Variants in EMID1 observed in about 807,000 individuals in gnomAD.
EMID1 encodes EMI domain-containing protein 1.
EMID1 carries 40 observed loss-of-function variants against 60.6 expected under a neutral mutation model. The observed-to-expected ratio is 0.66, with a 90% confidence interval of 0.51 to 0.86. The LOEUF (loss-of-function observed/expected upper bound fraction) is 0.86, where lower values mean the gene tolerates loss of function less well. Ranked by LOEUF, EMID1 falls within the 40% of genes least tolerant of loss-of-function variation. EMID1 has a pLI of 0.00. For missense variants in EMID1, 585 were observed against 597.1 expected, an observed-to-expected ratio of 0.98 and a Z score of 0.21; for synonymous variants, 242 against 231.0, an observed-to-expected ratio of 1.05 and a Z score of -0.43.
chr22:29,215,445 G>A lies in EMID1; in HGVS notation c.216-82G>A, dbSNP rs1468473972. The A allele has an allele frequency of 4.2e-6, 6 of 1,443,648 alleles. No individual in the cohort carries two copies. The South Asian group carries it at 7.2e-5, about 17-fold the overall frequency. 89.4% of individuals were successfully genotyped at this position (1,443,648 alleles called of 1,614,324 possible). A position where few individuals can be genotyped will look rare whatever the true frequency, so the allele number is the denominator to read the frequency against. On this transcript the variant is annotated intron_variant, in intron 2 of 14. Coordinates refer to ENST00000334018, the MANE Select transcript of EMID1 (RefSeq NM_133455.4). ...CAGCAGAGGATCCTGGAAGCTCTAGGTTTGTCCCCATGGGTGTCCAGGGCA... is the reference window on the plus strand; with the variant it reads ...CAGCAGAGGATCCTGGAAGCTCTAGATTTGTCCCCATGGGTGTCCAGGGCA...
chr22:29,251,381 CA>C (rs767480282), intron 13 of EMID1, among the ~76,000 whole-genome samples: 32 of 62,560 alleles, frequency 5.1e-4, no homozygotes, highest in Non-Finnish European at 9.6e-4. Context: ...TGCATCTGGC[CA>C]TTTTTTTTTT....
chr22:29,209,965 G>A (rs1276141796), intron 1 of EMID1, among the ~76,000 whole-genome samples: 1 of 152,162 alleles, frequency 6.6e-6, no homozygotes, highest in Non-Finnish European at 1.5e-5. Context: ...ACCCCTGGAA[G>A]GTGGATAGAG....
rs751489565 is a variant in EMID1, at chr22:29,214,953, C to T, written c.129C>T (p.Arg43=). ...RRNWCSYVVT[R]TISCHVQNGT... ...ACTGGTGCTCCTATGTGGTGACCCG[C>T]ACCATCTCATGCCATGTGCAGAATG... is the stretch of plus-strand genomic sequence containing the variant. Residue 43 remains arginine (R), a synonymous_variant, in exon 2 of 15, where the codon CGC becomes CGT. Transcript: ENST00000334018. The T allele has an allele frequency of 1.3e-6, 2 of 1,547,198 alleles. No homozygotes were observed. Among genetic ancestry groups the T allele is most frequent in the African/African-American group, 1.4e-5 (1 of 73,308 alleles).
intron 1 of EMID1, among the ~76,000 whole-genome samples, chr22:29,208,310 A>C (rs2146089132): frequency 6.6e-6 from 1 of 152,250 alleles, no homozygotes. Flanking sequence ...CTGGGAAGGC[A>C]TCCAGGGGGC....
chr22:29,230,881 G>A (rs1187815745), intron 5 of EMID1, 139 bp from the exon 6 acceptor site: 20 of 1,080,180 alleles, frequency 1.9e-5, no homozygotes, highest in African/African-American at 6.5e-5. Flanking sequence ...GCTTAAGCCC[G>A]GGTGGTTGAG....
chr22:29,243,965 T>C (rs1464994404), intron 13 of EMID1, among the ~76,000 whole-genome samples: 2 of 152,122 alleles, frequency 1.3e-5, no homozygotes, highest in Non-Finnish European at 1.5e-5. Flanking sequence ...ATGAGGTACA[T>C]AGGAGCCACG....
In EMID1 at chr22:29,216,527, A is replaced by G. The variant is rs552284678; in HGVS notation, c.319+897A>G. The G allele has an allele frequency of 2.4e-5, 24 of 985,468 alleles. No individual in the cohort carries two copies. The East Asian group carries it at 1.0e-3, about 42-fold the overall frequency. 61.0% of individuals were successfully genotyped at this position (985,468 alleles called of 1,614,324 possible). On this transcript the variant is annotated intron_variant, in intron 3 of 14. Coordinates refer to ENST00000334018, the MANE Select transcript of EMID1 (RefSeq NM_133455.4). ...TTCAGGGCCCCCACAGCAGCACATG[A>G]ACGTGAACATCAGTCTCAGGATATA... is the stretch of plus-strand genomic sequence containing the variant.
chr22:29,209,056 C>A (rs979027224), intron 1 of EMID1, among the ~76,000 whole-genome samples: 2 of 152,234 alleles, frequency 1.3e-5, no homozygotes, highest in African/African-American at 4.8e-5. Flanking sequence ...TCATACCACC[C>A]CTGCCCGCCC....
intron 11 of EMID1, 38 bp from the exon 12 acceptor site, chr22:29,234,267 C>A (rs1367800238): frequency 6.2e-7 from 1 of 1,613,108 alleles, no homozygotes; most frequent in African/African-American, 1.3e-5. Context: ...TCAGAGTCCT[C>A]AACAGCTGAC....
intron 14 of EMID1, among the ~76,000 whole-genome samples, chr22:29,256,661 C>G (rs528781745): frequency 6.6e-6 from 1 of 152,088 alleles, no homozygotes; most frequent in South Asian, 2.1e-4. Flanking sequence ...GGAATCGTAT[C>G]TACGGAGATA....
chr22:29,254,566 A>G (rs771250688), intron 14 of EMID1: 30 of 364,896 alleles, frequency 8.2e-5, no homozygotes, highest in Admixed American at 1.2e-4. Context: ...CCTGCAGGGA[A>G]CCAGAGATGA....
intron 6 of EMID1, 155 bp from the exon 7 acceptor site, chr22:29,231,438 G>C: frequency 1.1e-6 from 1 of 879,460 alleles, no homozygotes; most frequent in Admixed American, 2.0e-5. Context: ...ACTGACCTCT[G>C]CCTACCCCCC....
At chr22:29,258,722 G>A (rs761922942) in intron 14 of EMID1, 95 bp from the exon 15 acceptor site, 96 of 1,513,938 alleles carry the variant, frequency 6.3e-5, no homozygotes, top group Non-Finnish European at 7.2e-5. Context: ...CTGGCAGAGC[G>A]TGCCCGGTTC....
At chr22:29,247,564 G>GT (rs2041370280) in intron 13 of EMID1, among the ~76,000 whole-genome samples, 1 of 152,174 alleles carries the variant, frequency 6.6e-6, no homozygotes, top group Non-Finnish European at 1.5e-5. Flanking sequence ...CAACACAGTC[G>GT]TAAGTATTTG....
At chr22:29,253,415 T>C (rs1181897900) in intron 13 of EMID1, among the ~76,000 whole-genome samples, 2 of 152,198 alleles carry the variant, frequency 1.3e-5, no homozygotes, top group Non-Finnish European at 2.9e-5. Context: ...AAACCCTGTC[T>C]CTACTAAAAA....
At chr22:29,232,741 C>T (rs771561923) in intron 8 of EMID1, 9 of 250,758 alleles carry the variant, frequency 3.6e-5, no homozygotes, top group South Asian at 1.0e-4. Flanking sequence ...AACACTGGGA[C>T]GCAAAAGACC....
intron 1 of EMID1, among the ~76,000 whole-genome samples, chr22:29,207,443 A>G (rs1268077098): frequency 6.6e-6 from 1 of 152,216 alleles, no homozygotes; most frequent in Non-Finnish European, 1.5e-5. Flanking sequence ...TGCCCAGAGC[A>G]TGGAAGTGAG....
At chr22:29,217,360 G>A (rs924075382) in intron 3 of EMID1, among the ~76,000 whole-genome samples, 4 of 152,264 alleles carry the variant, frequency 2.6e-5, no homozygotes, top group Non-Finnish European at 4.4e-5. Context: ...CTCCCTCTGT[G>A]GGGCCTTCAG....
chr22:29,255,569 C>CT, intron 14 of EMID1: 1 of 422,990 alleles, frequency 2.4e-6, no homozygotes, highest in Non-Finnish European at 4.2e-6. Flanking sequence ...AGGCACCTTG[C>CT]TGGGACAGGC....
Sources: gnomAD v4.1 joint callset for allele counts (sites outside exome capture counted in the v4.1 genomes callset) on GRCh38, gnomAD v4.1.1 for gene constraint, MANE v1.5 for transcripts, NCBI Gene and HGNC (gene_info 2026-07-23, HGNC 2026-07-21) for gene names.